The following MARCHF6 variants were observed in gnomAD, a reference collection of about 807,000 sequenced individuals.
MARCHF6 encodes the protein E3 ubiquitin-protein ligase MARCHF6.
A neutral mutation model predicts 133.7 loss-of-function variants in MARCHF6; 31 were observed. The observed-to-expected ratio is 0.23, with a 90% CI of 0.17 to 0.31. MARCHF6 has a LOEUF of 0.31. Among genes scored for constraint, MARCHF6 ranks in the 10% least tolerant of loss-of-function variants. The probability of loss-of-function intolerance (pLI) is 1.00; values close to 1 mark genes in which losing one functional copy is unlikely to be tolerated. For synonymous variants in MARCHF6, 395 were observed against 402.5 expected, an observed-to-expected ratio of 0.98 and a Z score of 0.22; for missense variants, 723 against 1,121.6, an observed-to-expected ratio of 0.64 and a Z score of 5.08.
intron 22 of MARCHF6, among the ~76,000 whole-genome samples, chr5:10,419,016 G>T (rs973144267): frequency 6.6e-6 from 1 of 152,206 alleles, no homozygotes; most frequent in African/African-American, 2.4e-5. Flanking sequence ...TTCCAGGAGG[G>T]AGATGGGCAG....
At chr5:10,389,764 A>ATC (rs1430031572) in intron 5 of MARCHF6, among the ~76,000 whole-genome samples, 2 of 152,204 alleles carry the variant, frequency 1.3e-5, no homozygotes, top group African/African-American at 4.8e-5. Context: ...CATACTGAAT[A>ATC]TCTCTCAACC....
At chr5:10,408,440 CTGTT>C (rs1739035359) in intron 17 of MARCHF6, among the ~76,000 whole-genome samples, 1 of 152,214 alleles carries the variant, frequency 6.6e-6, no homozygotes, top group South Asian at 2.1e-4. Flanking sequence ...GATTACTTAG[CTGTT>C]TGTCTTTTTC....
rs776195694 is a variant in MARCHF6, at chr5:10,353,944, G to C, written c.19+27G>C. On this transcript the variant is annotated intron_variant, in intron 1 of 25. Coordinates refer to ENST00000274140, the MANE Select transcript of MARCHF6 (RefSeq NM_005885.4). Reference sequence around the variant, plus strand: ...TAAGTCGGCGACGCGCGGCGCCCGAGCCCTTGCGTCGGCGCCCGGGTTCGT... The same window carrying C: ...TAAGTCGGCGACGCGCGGCGCCCGACCCCTTGCGTCGGCGCCCGGGTTCGT... 12 of 1,541,440 alleles carry C rather than the reference G, an allele frequency of 7.8e-6. No individual in the cohort carries two copies. In the East Asian group the frequency reaches 3.0e-4, roughly 39 times the overall value.
At chr5:10,372,874 T>C (rs554794976) in intron 1 of MARCHF6, among the ~76,000 whole-genome samples, 3 of 152,176 alleles carry the variant, frequency 2.0e-5, no homozygotes, top group African/African-American at 7.2e-5. Flanking sequence ...AAAATACCAC[T>C]GCAAACTGGC....
At chr5:10,365,393 C>T (rs113314245) in intron 1 of MARCHF6, among the ~76,000 whole-genome samples, 2 of 151,886 alleles carry the variant, frequency 1.3e-5, no homozygotes, top group African/African-American at 2.4e-5. Flanking sequence ...CTCCGCCTCC[C>T]GGGTTCAAGC....
In MARCHF6 at chr5:10,415,530, C is replaced by T; in HGVS notation, c.2009C>T (p.Ala670Val). 1 of 1,613,438 alleles carries T rather than the reference C, an allele frequency of 6.2e-7. No individual in the cohort carries two copies. Among genetic ancestry groups the T allele is most frequent in the Non-Finnish European group, 8.5e-7 (1 of 1,179,658 alleles). ...RWLMSFWTGT[A>V]KIHELYTAAC... ...TTAATGTCGTTTTGGACGGGGACTGCCAAAATCCATGAGCTCTACACAGCT... is the reference window on the plus strand; with the variant it reads ...TTAATGTCGTTTTGGACGGGGACTGTCAAAATCCATGAGCTCTACACAGCT... Residue 670 changes from alanine (A) to valine (V), a missense_variant, in exon 21 of 26, where the codon GCC becomes GTC. This residue lies in a region of MARCHF6 where 492 missense variants were observed against 699.5 expected (regional missense o/e 0.70). Coordinates refer to ENST00000274140, the MANE Select transcript of MARCHF6 (RefSeq NM_005885.4).
chr5:10,374,353 GC>G (rs1273327145), intron 1 of MARCHF6, among the ~76,000 whole-genome samples: 1 of 152,136 alleles, frequency 6.6e-6, no homozygotes, highest in African/African-American at 2.4e-5. Context: ...TTAACGTGCT[GC>G]CGGGGTCCAT....
intron 11 of MARCHF6, 55 bp from the exon 12 acceptor site, chr5:10,401,994 TGGGAAAACCG>T (rs1738561850): frequency 1.1e-6 from 1 of 911,616 alleles, no homozygotes; most frequent in Non-Finnish European, 1.8e-6. Context: ...TTGTTTAATA[TGGGAAAACCG>T]GGGTGTAGAA....
At chr5:10,414,533 G>A in intron 20 of MARCHF6, 31 bp downstream of exon 20, 6 of 1,524,644 alleles carry the variant, frequency 3.9e-6, no homozygotes, top group South Asian at 1.1e-5. Flanking sequence ...TCAGCTAATA[G>A]CATCATTAAG....
intron 3 of MARCHF6, among the ~76,000 whole-genome samples, chr5:10,379,627 A>C (rs1737009191): frequency 6.6e-6 from 1 of 151,880 alleles, no homozygotes; most frequent in East Asian, 1.9e-4. Flanking sequence ...CACCTGGCTA[A>C]TTTTTTTGTA....
chr5:10,376,753 C>T (rs1174542980), intron 1 of MARCHF6, among the ~76,000 whole-genome samples: 1 of 152,190 alleles, frequency 6.6e-6, no homozygotes, highest in African/African-American at 2.4e-5. Flanking sequence ...TCTTAAATGC[C>T]TGTAACCACG....
rs187743600 is a variant in MARCHF6, at chr5:10,408,171, C to T, written c.1553+969C>T. Among the ~76,000 whole-genome samples, 5 of 152,282 alleles carry T rather than the reference C, an allele frequency of 3.3e-5. No individual in the cohort carries two copies. The East Asian group carries it at 7.7e-4, about 23-fold the overall frequency. On this transcript the variant is annotated intron_variant, in intron 17 of 25. Transcript: ENST00000274140. ...TCTCTTACTAATCTAACTCGATTTG[C>T]CACTTACTTAATTTAGGCCTTCCTC... is the stretch of plus-strand genomic sequence containing the variant.
chr5:10,398,644 A>G (rs1050413265), intron 10 of MARCHF6, among the ~76,000 whole-genome samples: 1 of 152,136 alleles, frequency 6.6e-6, no homozygotes, highest in African/African-American at 2.4e-5. Context: ...TCTTGCAGAA[A>G]AGCTTAATGC....
At position 10,435,752 on chromosome 5, in the gene MARCHF6, T is replaced by C. The variant is rs1450495742; in HGVS notation, c.*2068T>C. 9 of 129,388 alleles carry C rather than the reference T, an allele frequency of 7.0e-5. No homozygotes were observed. Among genetic ancestry groups the C allele is most frequent in the African/African-American group, 2.6e-4 (9 of 34,306 alleles). The allele number at this position is 129,388 out of a possible 1,614,324, so 8.0% of individuals were successfully genotyped here. ...TTGCCCCCGAGACAGAGTCTTACTCTGTTGCCCAGGCTGGAGTGCAGTGGC... is the reference window on the plus strand; with the variant it reads ...TTGCCCCCGAGACAGAGTCTTACTCCGTTGCCCAGGCTGGAGTGCAGTGGC... On this transcript the variant is annotated 3_prime_UTR_variant, in exon 26 of 26. Coordinates refer to ENST00000274140, the MANE Select transcript of MARCHF6 (RefSeq NM_005885.4).
intron 4 of MARCHF6, among the ~76,000 whole-genome samples, chr5:10,385,573 G>A (rs544877567): frequency 5.3e-5 from 8 of 152,242 alleles, no homozygotes; most frequent in African/African-American, 1.9e-4. Context: ...TAAATACAAA[G>A]CAGCACAGGT....
intron 4 of MARCHF6, among the ~76,000 whole-genome samples, chr5:10,385,566 A>G (rs570467856): frequency 6.4e-4 from 98 of 152,196 alleles, no homozygotes; most frequent in Non-Finnish European, 1.0e-3. Context: ...CAAGAGATAA[A>G]TACAAAGCAG....
Position 10,391,536 on chromosome 5 carries a change from T to G in MARCHF6, c.577-6T>G. 1 of 1,599,182 alleles carries G rather than the reference T, an allele frequency of 6.3e-7. No individual in the cohort carries two copies. ...TCTAAATTTCTGGGCTTTTCTGTGA[T>G]TTTAGGCTCCAGCAGGAGGAAATGG... On this transcript the variant is annotated splice_polypyrimidine_tract_variant and splice_region_variant and intron_variant, in intron 6 of 25. Coordinates refer to ENST00000274140, the MANE Select transcript of MARCHF6 (RefSeq NM_005885.4).
At chr5:10,391,436 GTTTTTT>G (rs35378319) in intron 6 of MARCHF6, 100 bp from the exon 7 acceptor site, 15 of 306,288 alleles carry the variant, frequency 4.9e-5, no homozygotes, top group Admixed American at 8.7e-5. Flanking sequence ...CCTGGCCTAG[GTTTTTT>G]TTTTTTTTTT....
intron 7 of MARCHF6, 128 bp downstream of exon 7, chr5:10,391,859 T>C (rs1368533869): frequency 4.9e-6 from 5 of 1,011,814 alleles, no homozygotes; most frequent in Non-Finnish European, 1.3e-6. Flanking sequence ...ATTTTTACTT[T>C]ATTTTGGCAA....
Sources: gnomAD v4.1 joint callset for allele counts (sites outside exome capture counted in the v4.1 genomes callset) on GRCh38, gnomAD v4.1.1 for gene constraint, gnomAD v4.1.1 regional missense constraint, MANE v1.5 for transcripts, NCBI Gene and HGNC (gene_info 2026-07-23, HGNC 2026-07-21) for gene names.